The following FRMPD4 variants were observed in gnomAD, a reference collection of about 807,000 sequenced individuals.
FRMPD4 encodes FERM and PDZ domain containing 4, also known as FERM and PDZ domain-containing protein 4.
A neutral mutation model predicts 94.1 loss-of-function variants in FRMPD4; 22 were observed. That is an observed-to-expected ratio of 0.23 (90% confidence interval 0.17 to 0.33). The LOEUF (loss-of-function observed/expected upper bound fraction) is 0.33. Ranked by LOEUF, FRMPD4 falls within the 10% of genes least tolerant of loss-of-function variation. The pLI, the probability that FRMPD4 is intolerant of heterozygous loss-of-function variation, is 1.00. For missense variants in FRMPD4, 1,111 were observed against 1,339.9 expected, an observed-to-expected ratio of 0.83 and a Z score of 2.67; for synonymous variants, 631 against 548.6, an observed-to-expected ratio of 1.15 and a Z score of -2.10.
intron 3 of FRMPD4, among the ~76,000 whole-genome samples, chrX:12,122,885 C>T (rs1004005351): frequency 2.7e-5 from 3 of 111,141 alleles, no homozygotes; most frequent in African/African-American, 9.8e-5. Flanking sequence ...CACTTCATTG[C>T]TATGTTTGAG....
intron 3 of FRMPD4, among the ~76,000 whole-genome samples, chrX:12,610,089 G>A (rs1282579046): frequency 3.6e-5 from 4 of 112,186 alleles, no homozygotes; most frequent in Non-Finnish European, 7.5e-5. Flanking sequence ...CCAGACTCAG[G>A]AAAATACTGA....
At position 12,665,160 on chromosome X, in the gene FRMPD4, G is replaced by T. The variant is rs758506601; in HGVS notation, c.423-9703G>T. Among the ~76,000 whole-genome samples the T allele has an allele frequency of 5.4e-5, 6 of 111,072 alleles. No individual in the cohort carries two copies. The Admixed American group carries it at 5.7e-4, about 11-fold the overall frequency. On this transcript the variant is annotated intron_variant, in intron 4 of 16. Coordinates refer to ENST00000675598, the MANE Select transcript of FRMPD4 (RefSeq NM_001368397.1). ...TAATCTTTAAAAAAGAAAAAAAAACGTGCTGGGTGCAGTGGCTCACGCCTG... is the reference window on the plus strand; with the variant it reads ...TAATCTTTAAAAAAGAAAAAAAAACTTGCTGGGTGCAGTGGCTCACGCCTG...
At chrX:12,100,937 C>T (rs2064086287) in intron 3 of FRMPD4, among the ~76,000 whole-genome samples, 1 of 112,474 alleles carries the variant, frequency 8.9e-6, no homozygotes, top group South Asian at 3.7e-4. Flanking sequence ...AGGCTACTGT[C>T]TTTGTGGCTT....
At chrX:11,855,588 G>A (rs758839592) in intron 1 of FRMPD4, among the ~76,000 whole-genome samples, 2 of 112,165 alleles carry the variant, frequency 1.8e-5, no homozygotes, top group South Asian at 7.5e-4. Context: ...GGGGCAAAAT[G>A]CCATTAGTAT....
intron 3 of FRMPD4, among the ~76,000 whole-genome samples, chrX:12,012,152 G>T: frequency 9.0e-6 from 1 of 111,298 alleles, no homozygotes; most frequent in Non-Finnish European, 1.9e-5. Flanking sequence ...ACCTGCCTTG[G>T]CCTCCCAAAG....
chrX:12,115,675 G>A (rs1470976127), intron 3 of FRMPD4, among the ~76,000 whole-genome samples: 1 of 107,316 alleles, frequency 9.3e-6, no homozygotes, highest in African/African-American at 3.4e-5. Context: ...GTGGCTTCGT[G>A]TCACACAAAT....
At chrX:12,020,486 G>C (rs1264918210) in intron 3 of FRMPD4, among the ~76,000 whole-genome samples, 2 of 111,635 alleles carry the variant, frequency 1.8e-5, no homozygotes, top group Non-Finnish European at 1.9e-5. Context: ...CCCCAGGGTT[G>C]TCTTTCTTCC....
chrX:12,603,337 TTAA>T (rs758386153), intron 2 of FRMPD4, among the ~76,000 whole-genome samples: 1 of 111,989 alleles, frequency 8.9e-6, no homozygotes, highest in Non-Finnish European at 1.9e-5. Context: ...TTTGCTGGCT[TTAA>T]TGAGTGCATC....
At chrX:12,217,756 T>C (rs2056823483) in intron 1 of FRMPD4, among the ~76,000 whole-genome samples, 1 of 112,291 alleles carries the variant, frequency 8.9e-6, no homozygotes, top group Non-Finnish European at 1.9e-5. Context: ...ATTTACATGT[T>C]GTGCATGATT....
intron 3 of FRMPD4, among the ~76,000 whole-genome samples, chrX:12,091,737 G>A (rs1240065073): frequency 9.0e-6 from 1 of 111,718 alleles, no homozygotes; most frequent in Non-Finnish European, 1.9e-5. Flanking sequence ...ATGTGTAAAG[G>A]CCATGGATGA....
intron 1 of FRMPD4, among the ~76,000 whole-genome samples, chrX:12,211,802 A>G (rs1329256186): frequency 3.6e-5 from 4 of 112,397 alleles, no homozygotes; most frequent in African/African-American, 9.7e-5. Context: ...TTATAAATAT[A>G]ATAAACTTAC....
At chrX:12,717,169 C>T in intron 15 of FRMPD4, 36 bp downstream of exon 15, 1 of 902,556 alleles carries the variant, frequency 1.1e-6, no homozygotes, top group Non-Finnish European at 1.5e-6. Context: ...TCACTGATAA[C>T]CATATCATTC....
At chrX:12,332,563 G>A (rs1335454762) in intron 1 of FRMPD4, among the ~76,000 whole-genome samples, 2 of 110,568 alleles carry the variant, frequency 1.8e-5, no homozygotes, top group Admixed American at 9.7e-5. Context: ...TTTCCAAGTC[G>A]TTTTAACGTT....
chrX:11,959,819 T>C (rs2054275119), intron 3 of FRMPD4, among the ~76,000 whole-genome samples: 1 of 111,752 alleles, frequency 8.9e-6, no homozygotes, highest in Non-Finnish European at 1.9e-5. Context: ...GGGAGTCCAT[T>C]CAATCAGTTT....
At chrX:12,623,556 G>T (rs1302189970) in intron 4 of FRMPD4, among the ~76,000 whole-genome samples, 5 of 74,819 alleles carry the variant, frequency 6.7e-5, no homozygotes, top group Admixed American at 6.6e-4. Context: ...ATGCATTATG[G>T]GAATATTAGA....
chrX:12,333,809 C>T (rs1045342046), intron 1 of FRMPD4, among the ~76,000 whole-genome samples: 1 of 111,877 alleles, frequency 8.9e-6, no homozygotes, highest in African/African-American at 3.3e-5. Flanking sequence ...CATACACGCT[C>T]CTGGCTGGAA....
At position 12,340,056 on chromosome X, in the gene FRMPD4, T is replaced by C. The variant is rs894859895; in HGVS notation, c.42-158624T>C. On this transcript the variant is annotated intron_variant, in intron 1 of 16. Transcript: ENST00000675598. ...CTCTCCTGAGAATTGTTCTTCCTGA[T>C]AGACTGCAGTTTCACAGTACTTCTG... 3.8e-4 allele frequency among the ~76,000 whole-genome samples: 43 copies of C among 112,584 alleles called. 1 individual carries two copies. Among genetic ancestry groups the C allele is most frequent in the African/African-American group, 6.5e-5 (2 of 30,940 alleles).
At chrX:12,450,739 A>G (rs2057255473) in intron 1 of FRMPD4, among the ~76,000 whole-genome samples, 1 of 109,924 alleles carries the variant, frequency 9.1e-6, no homozygotes, top group Non-Finnish European at 1.9e-5. Context: ...TTCCTCAAAT[A>G]AACATGTAAC....
intron 1 of FRMPD4, among the ~76,000 whole-genome samples, chrX:12,455,539 T>C (rs150344724): frequency 0.026 from 2,941 of 111,856 alleles, 47 homozygotes; most frequent in Non-Finnish European, 0.041. Context: ...AGGCTTCTTA[T>C]ATAAGATGAT....
Sources: allele counts gnomAD v4.1 joint callset (sites outside exome capture counted in the v4.1 genomes callset), GRCh38; gene constraint gnomAD v4.1.1; transcripts MANE v1.5; gene names NCBI Gene and HGNC (gene_info 2026-07-23, HGNC 2026-07-21).